The following DENND5A variants were observed in gnomAD, a reference collection of about 807,000 sequenced individuals.
DENND5A encodes DENN domain containing 5A, also known as DENN domain-containing protein 5A.
In DENND5A, 64 loss-of-function variants were observed where a neutral mutation model predicts 140.3. That is an observed-to-expected ratio of 0.46 (90% CI 0.37 to 0.56). The LOEUF (loss-of-function observed/expected upper bound fraction) is 0.56. Among genes scored for constraint, DENND5A ranks in the 20% least tolerant of loss-of-function variants. DENND5A has a pLI of 0.00. For synonymous variants in DENND5A, 605 were observed against 607.7 expected (o/e 1.00, Z 0.07); for missense variants, 1,292 against 1,593.8 (o/e 0.81, Z 3.22).
chr11:9,193,440 C>T (rs1024146317), intron 5 of DENND5A, 54 bp downstream of exon 5: 15 of 1,417,976 alleles, frequency 1.1e-5, no homozygotes, highest in Non-Finnish European at 1.3e-5. Flanking sequence ...TCCCAAAGCC[C>T]TTCTCTCCCC....
intron 18 of DENND5A, 139 bp downstream of exon 18, chr11:9,144,856 T>C: frequency 1.5e-6 from 1 of 676,282 alleles, no homozygotes; most frequent in South Asian, 1.9e-5. Flanking sequence ...TTCAAGTGTA[T>C]GAGGCAGAGC....
chr11:9,141,127 A>AAAAT (rs35402073), intron 22 of DENND5A, among the ~76,000 whole-genome samples: 6,890 of 151,594 alleles, frequency 0.045, 513 homozygotes, highest in African/African-American at 0.15. Context: ...ACTCCATCTC[A>AAAAT]AAATAAATAA....
In DENND5A at chr11:9,207,963, C is replaced by CA. The variant is rs544677656; in HGVS notation, c.110-332dup. On this transcript the variant is annotated intron_variant, in intron 1 of 22. Transcript: ENST00000328194. Reference sequence around the variant, plus strand: ...AACTGATACCAAATTACTATAAAGTCACTAGTGCTTTATCTAAAAGTATAC... The same window carrying CA: ...AACTGATACCAAATTACTATAAAGTCAACTAGTGCTTTATCTAAAAGTATAC... 2.5e-4 allele frequency among the ~76,000 whole-genome samples: 38 copies of CA among 152,220 alleles called. No individual in the cohort carries two copies. In the South Asian group the frequency reaches 6.0e-3, roughly 24 times the overall value.
rs1411379795 is a variant in DENND5A at position 9,203,685 on chromosome 11, C to T, written c.924G>A (p.Glu308=). 1.2e-6 allele frequency: 2 copies of T among 1,613,604 alleles called. No individual in the cohort carries two copies. The highest frequency in any genetic ancestry group is 1.3e-5 in the African/African-American group (1 of 74,912). The change falls in exon 4 of 23, where the codon GAG becomes GAA. Residue 308 remains glutamate, a synonymous_variant. Transcript: ENST00000328194. ...GCTGTGAGTAGAGCAGGATTTGAAA[C>T]TCCAGAAGGGCACAAGTAAAAAGCT... ...VFQLFTCALL[E]FQILLYSQHY... is the part of the protein sequence containing the mutation.
rs751836901 is a variant in DENND5A at position 9,147,144 on chromosome 11, A to G, written c.2743T>C (p.Tyr915His). ...LSDHELTKKL[Y>H]KRYAFLRCDD... The stretch of plus-strand genomic sequence containing the variant: ...CAGCGCAGGAAGGCATAGCGCTTAT[A>G]TAACTTTCTGTTGGAGAGGAGGTAA... The change falls in exon 16 of 23, where the codon TAT becomes CAT. Residue 915 changes from tyrosine to histidine, a missense_variant. Around this residue, in one of 4 missense-constraint regions of DENND5A, gnomAD observed 498 missense variants for 689.7 expected, o/e 0.72. Coordinates refer to ENST00000328194, the MANE Select transcript of DENND5A (RefSeq NM_015213.4). The G allele has an allele frequency of 1.1e-5, 18 of 1,614,104 alleles. No individual in the cohort carries two copies. In the South Asian group the frequency reaches 1.3e-4, roughly 12 times the overall value.
At chr11:9,217,095 A>G (rs1476137146) in intron 1 of DENND5A, among the ~76,000 whole-genome samples, 1 of 152,232 alleles carries the variant, frequency 6.6e-6, no homozygotes, top group Non-Finnish European at 1.5e-5. Flanking sequence ...AATGAAATGT[A>G]TAATAATACA....
chr11:9,248,180 A>G (rs1398812700), intron 1 of DENND5A, among the ~76,000 whole-genome samples: 1 of 151,958 alleles, frequency 6.6e-6, no homozygotes, highest in Non-Finnish European at 1.5e-5. Context: ...ACGGGGTTTC[A>G]CCATGTTGCC....
intron 1 of DENND5A, among the ~76,000 whole-genome samples, chr11:9,249,100 C>T (rs923400226): frequency 6.6e-6 from 1 of 151,872 alleles, no homozygotes; most frequent in Non-Finnish European, 1.5e-5. Flanking sequence ...TGGTGGTGGG[C>T]GCCTGTAGTC....
At chr11:9,204,839 C>T (rs1284147873) in intron 3 of DENND5A, among the ~76,000 whole-genome samples, 1 of 152,104 alleles carries the variant, frequency 6.6e-6, no homozygotes, top group East Asian at 1.9e-4. Context: ...CCAGCCTGAG[C>T]GACAGAGCAA....
intron 1 of DENND5A, chr11:9,242,522 T>C (rs1402649552): frequency 6.6e-6 from 1 of 152,158 alleles, no homozygotes; most frequent in Non-Finnish European, 1.5e-5. Context: ...AACACAAAAG[T>C]AGAAGACTTT....
chr11:9,167,666 G>A (rs1169024251), intron 10 of DENND5A, among the ~76,000 whole-genome samples: 1 of 151,922 alleles, frequency 6.6e-6, no homozygotes, highest in Non-Finnish European at 1.5e-5. Flanking sequence ...AGCCAGGAAT[G>A]GTGGCGTGTG....
At chr11:9,164,313 A>G (rs1386618080) in intron 11 of DENND5A, among the ~76,000 whole-genome samples, 1 of 148,584 alleles carries the variant, frequency 6.7e-6, no homozygotes, top group Non-Finnish European at 1.5e-5. Flanking sequence ...TCAATCTCCC[A>G]AAGTGCCAGG....
rs1222109107 is a variant in DENND5A, at chr11:9,142,033, C to T, written c.3587G>A (p.Arg1196Gln). 9 of 1,606,002 alleles carry T rather than the reference C, an allele frequency of 5.6e-6. No individual in the cohort carries two copies. Among genetic ancestry groups the T allele is most frequent in the East Asian group, 2.2e-5 (1 of 44,534 alleles). Reference sequence around the variant, plus strand: ...TGCAGTGACAAATCGGCAGAAGTTCCGGGCTCTTGTATGCCAGTTTTCCTC... The same window carrying T: ...TGCAGTGACAAATCGGCAGAAGTTCTGGGCTCTTGTATGCCAGTTTTCCTC... ...VPEENWHTRA[R>Q]NFCRFVTAIN... The change falls in exon 22 of 23, where the codon CGG becomes CAG. Residue 1196 changes from arginine to glutamine, a missense_variant. By Grantham distance (43) the Arg-to-Gln change is conservative. This residue lies in a region of DENND5A where 498 missense variants were observed against 689.7 expected (regional missense o/e 0.72). Coordinates refer to ENST00000328194, the MANE Select transcript of DENND5A (RefSeq NM_015213.4).
chr11:9,257,567 C>T (rs1265828160), intron 1 of DENND5A, among the ~76,000 whole-genome samples: 1 of 149,824 alleles, frequency 6.7e-6, no homozygotes, highest in Non-Finnish European at 1.5e-5. Flanking sequence ...CTGCAAGCTC[C>T]GCCTCCCAGG....
intron 5 of DENND5A, among the ~76,000 whole-genome samples, chr11:9,184,622 C>A (rs1018345695): frequency 1.3e-5 from 2 of 152,186 alleles, no homozygotes; most frequent in Non-Finnish European, 2.9e-5. Flanking sequence ...TATTATCACA[C>A]TTCTTGAAAT....
At chr11:9,184,483 T>G (rs549377620) in intron 5 of DENND5A, among the ~76,000 whole-genome samples, 1 of 152,348 alleles carries the variant, frequency 6.6e-6, no homozygotes, top group Non-Finnish European at 1.5e-5. Flanking sequence ...ACCACAGTGT[T>G]GTAAGGTATG....
intron 8 of DENND5A, chr11:9,176,749 G>T: frequency 2.8e-6 from 1 of 363,556 alleles, no homozygotes; most frequent in Non-Finnish European, 5.5e-6. Flanking sequence ...AGGTTTGTGT[G>T]GCAAATACCA....
chr11:9,253,974 A>G (rs568034800), intron 1 of DENND5A, among the ~76,000 whole-genome samples: 3 of 152,162 alleles, frequency 2.0e-5, no homozygotes, highest in Admixed American at 2.0e-4. Flanking sequence ...CCTGACCAAC[A>G]TGGAGAAACC....
rs577905569 is a variant in DENND5A, at chr11:9,147,122, C to T, written c.2765G>A (p.Arg922His). 3 of 1,613,860 alleles carry T rather than the reference C, an allele frequency of 1.9e-6. No individual in the cohort carries two copies. The highest frequency in any genetic ancestry group is 2.5e-6 in the Non-Finnish European group (3 of 1,179,914). ...GAACTGCTCCTTCTCGTCATCACAG[C>T]GCAGGAAGGCATAGCGCTTATATAA... ...KKLYKRYAFLRCDDEKEQFLY... is the reference protein window; with the variant it reads ...KKLYKRYAFLHCDDEKEQFLY... The change falls in exon 16 of 23, where the codon CGC (arginine) becomes CAC (histidine). Residue 922 changes from arginine to histidine, a missense_variant. Physicochemically the swap from Arg to His is conservative, Grantham distance 29 (BLOSUM62 0). Around this residue, in one of 4 missense-constraint regions of DENND5A, gnomAD observed 498 missense variants for 689.7 expected, o/e 0.72. Transcript: ENST00000328194.
Sources: gnomAD v4.1 joint callset for allele counts (sites outside exome capture counted in the v4.1 genomes callset) on GRCh38, gnomAD v4.1.1 for gene constraint, gnomAD v4.1.1 regional missense constraint, MANE v1.5 for transcripts, NCBI Gene and HGNC (gene_info 2026-07-23, HGNC 2026-07-21) for gene names.